The following AP1S3 variants were observed in gnomAD, a reference collection of about 807,000 sequenced individuals.
AP1S3 encodes adaptor related protein complex 1 subunit sigma 3, also known as AP-1 complex subunit sigma-3.
AP1S3 carries 10 observed loss-of-function variants against 20.9 expected under a neutral mutation model. That is an observed-to-expected ratio of 0.48 (90% CI 0.29 to 0.81). The LOEUF is 0.81. Among genes scored for constraint, AP1S3 ranks in the 30% least tolerant of loss-of-function variants. AP1S3 has a pLI of 0.08. For synonymous variants in AP1S3, 41 were observed against 61.5 expected (o/e 0.67, Z 1.56); for missense variants, 154 against 183.8 (o/e 0.84, Z 0.94).
intron 3 of AP1S3, chr2:223,773,188 T>C: frequency 1.0e-6 from 1 of 959,618 alleles, no homozygotes; most frequent in Admixed American, 3.4e-5. Context: ...TTTGGTCAGA[T>C]AGATTGAGAT....
rs374532264 is a variant in AP1S3, at chr2:223,804,729, AAAG to A, written c.4-26863_4-26861del. On this transcript the variant is annotated intron_variant, in intron 1 of 4. Coordinates refer to ENST00000396654, the MANE Select transcript of AP1S3 (RefSeq NM_001039569.2). ...ACAGAGACTGTTTCAAAAAAAAAAA[AAAG>A]AGGTTTCTAGAAATTACTAGAATCT... is the stretch of plus-strand genomic sequence containing the variant. Among the ~76,000 whole-genome samples, 927 of 152,180 alleles carry A rather than the reference AAAG, an allele frequency of 6.1e-3. 5 individuals carry two copies. The highest frequency in any genetic ancestry group is 0.011 in the Non-Finnish European group (719 of 67,994).
Position 223,755,915 on chromosome 2 carries a change from A to C in AP1S3, c.*2800T>G. 1 of 985,484 alleles carries C rather than the reference A, an allele frequency of 1.0e-6. No individual in the cohort carries two copies. The highest frequency in any genetic ancestry group is 1.2e-6 in the Non-Finnish European group (1 of 829,942). The allele number at this position is 985,484 out of a possible 1,614,324, so 61.0% of individuals were successfully genotyped here. On this transcript the variant is annotated 3_prime_UTR_variant, in exon 5 of 5. Transcript: ENST00000396654. ...TAAAGTGTCTAATATGGAATTATCC[A>C]GAACATGTGTAGTATATTTGAATGA...
At chr2:223,811,182 C>T (rs1383073787) in intron 1 of AP1S3, among the ~76,000 whole-genome samples, 13 of 151,522 alleles carry the variant, frequency 8.6e-5, no homozygotes, top group Non-Finnish European at 1.5e-4. Context: ...AACCTCTGCC[C>T]GCTGGGTTCA....
chr2:223,812,589 G>C (rs1691757543), intron 1 of AP1S3, among the ~76,000 whole-genome samples: 2 of 152,188 alleles, frequency 1.3e-5, no homozygotes, highest in African/African-American at 4.8e-5. Context: ...CTTGCTCTTA[G>C]AGAAGTGGCT....
At chr2:223,832,133 C>CTGTGTGTGTGTGTG (rs1482045373) in intron 1 of AP1S3, among the ~76,000 whole-genome samples, 2 of 43,020 alleles carry the variant, frequency 4.6e-5, no homozygotes, top group East Asian at 5.1e-4. Flanking sequence ...GGAGTTTTCT[C>CTGTGTGTGTGTGTG]TCTGTGTGTG....
At chr2:223,767,915 T>C (rs1459239118) in intron 3 of AP1S3, among the ~76,000 whole-genome samples, 8 of 152,128 alleles carry the variant, frequency 5.3e-5, no homozygotes, top group Non-Finnish European at 1.2e-4. Context: ...GATTCTATTG[T>C]CTAAATAAGT....
At chr2:223,767,309 CT>C (rs1690509674) in intron 3 of AP1S3, among the ~76,000 whole-genome samples, 1 of 152,202 alleles carries the variant, frequency 6.6e-6, no homozygotes, top group African/African-American at 2.4e-5. Context: ...CCTTGCTCCC[CT>C]GATTTTGGCA....
In AP1S3 at chr2:223,756,424, AG is replaced by A. The variant is rs938869973; in HGVS notation, c.*2290del. The A allele has an allele frequency of 1.1e-4, 67 of 635,056 alleles. No homozygotes were observed. Among genetic ancestry groups the A allele is most frequent in the Admixed American group, 3.3e-4 (4 of 12,002 alleles). The allele number at this position is 635,056 out of a possible 1,614,324, so 39.3% of individuals were successfully genotyped here. A position where few individuals can be genotyped will look rare whatever the true frequency, so the allele number is the denominator to read the frequency against. ...AAGGAAGGGAGGGAAGGAGAGAGAG[AG>A]AAGAAGGAAGGAAGAAAGGAAGGAA... On this transcript the variant is annotated 3_prime_UTR_variant, in exon 5 of 5. Coordinates refer to ENST00000396654, the MANE Select transcript of AP1S3 (RefSeq NM_001039569.2).
chr2:223,787,899 G>A (rs1691113439), intron 1 of AP1S3, among the ~76,000 whole-genome samples: 1 of 152,180 alleles, frequency 6.6e-6, no homozygotes, highest in African/African-American at 2.4e-5. Context: ...AGCAGGGGCT[G>A]CTGACACTGT....
chr2:223,801,247 G>A (rs1347568326), intron 1 of AP1S3, among the ~76,000 whole-genome samples: 1 of 152,182 alleles, frequency 6.6e-6, no homozygotes, highest in East Asian at 1.9e-4. Flanking sequence ...AGGACTCTAG[G>A]GCTTAAAAAA....
At chr2:223,828,981 G>A (rs1051473766) in intron 1 of AP1S3, among the ~76,000 whole-genome samples, 1 of 151,958 alleles carries the variant, frequency 6.6e-6, no homozygotes, top group African/African-American at 2.4e-5. Context: ...GATTACAGGC[G>A]CCTGCCACTG....
chr2:223,775,148 G>A (rs916878799), intron 3 of AP1S3, among the ~76,000 whole-genome samples: 4 of 152,178 alleles, frequency 2.6e-5, no homozygotes, highest in Non-Finnish European at 4.4e-5. Context: ...GTGTCAACCC[G>A]CAGGAGGGTT....
Position 223,758,502 on chromosome 2 carries a change from A to G in AP1S3, c.*213T>C. The G allele has an allele frequency of 8.1e-7, 1 of 1,233,066 alleles. No individual in the cohort carries two copies. Among genetic ancestry groups the G allele is most frequent in the Admixed American group, 4.3e-5 (1 of 23,444 alleles). The allele number at this position is 1,233,066 out of a possible 1,614,324, so 76.4% of individuals were successfully genotyped here. On this transcript the variant is annotated 3_prime_UTR_variant, in exon 5 of 5. Coordinates refer to ENST00000396654, the MANE Select transcript of AP1S3 (RefSeq NM_001039569.2). Reference sequence around the variant, plus strand: ...AACATTTAGAGCTACAAGTACCTATACAGTATAACACAGACACATAATTTT... The same window carrying G: ...AACATTTAGAGCTACAAGTACCTATGCAGTATAACACAGACACATAATTTT...
chr2:223,820,149 G>T (rs1691952445), intron 1 of AP1S3, among the ~76,000 whole-genome samples: 1 of 145,328 alleles, frequency 6.9e-6, no homozygotes, highest in Admixed American at 6.9e-5. Context: ...ATTATTTCAA[G>T]GAAGCTCACT....
rs533597081 is a variant in AP1S3, at chr2:223,786,916, A to C, written c.4-9047T>G. ...TGAGACCCTGTCTCAAAAAAACAAA[A>C]AAAAAAGAAGTGATATGGTTTGGAT... On this transcript the variant is annotated intron_variant, in intron 1 of 4. Transcript: ENST00000396654. 3.9e-5 allele frequency among the ~76,000 whole-genome samples: 6 copies of C among 152,188 alleles called. No homozygotes were observed. In the East Asian group the frequency reaches 9.7e-4, roughly 25 times the overall value.
At chr2:223,771,917 G>C (rs143522432) in intron 3 of AP1S3, among the ~76,000 whole-genome samples, 2 of 152,132 alleles carry the variant, frequency 1.3e-5, no homozygotes, top group African/African-American at 4.8e-5. Flanking sequence ...GACCAGCCTG[G>C]CCAACATGGC....
rs11902103 is a variant in AP1S3 at position 223,776,146 on chromosome 2, C to T, written c.183-137G>A. Reference sequence around the variant, plus strand: ...CAAGAATGAAATCATTATTCATCACCCCCAATAGCCTCCTGAAATATAAAT... The same window carrying T: ...CAAGAATGAAATCATTATTCATCACTCCCAATAGCCTCCTGAAATATAAAT... On this transcript the variant is annotated intron_variant, in intron 2 of 4. Coordinates refer to ENST00000396654, the MANE Select transcript of AP1S3 (RefSeq NM_001039569.2). The T allele has an allele frequency of 0.1, 72,365 of 718,880 alleles. 6,540 individuals carry two copies. The highest frequency in any genetic ancestry group is 0.34 in the African/African-American group (19,601 of 57,266). 44.5% of individuals were successfully genotyped at this position (718,880 alleles called of 1,614,324 possible).
intron 3 of AP1S3, among the ~76,000 whole-genome samples, chr2:223,769,783 G>T (rs372785760): frequency 1.2e-4 from 13 of 112,176 alleles, no homozygotes; most frequent in South Asian, 3.1e-4. Context: ...TCTCCCTGTC[G>T]CCCAGGCTGG....
chr2:223,803,599 TA>T (rs1354093160), intron 1 of AP1S3, among the ~76,000 whole-genome samples: 2 of 152,034 alleles, frequency 1.3e-5, no homozygotes, highest in Non-Finnish European at 2.9e-5. Flanking sequence ...TTGAAGTCAC[TA>T]AAACAAGGCA....
Sources: gnomAD v4.1 joint callset for allele counts (sites outside exome capture counted in the v4.1 genomes callset) on GRCh38, gnomAD v4.1.1 for gene constraint, MANE v1.5 for transcripts, NCBI Gene and HGNC (gene_info 2026-07-23, HGNC 2026-07-21) for gene names.